Variants in CAMK1 observed in about 807,000 individuals in gnomAD.
CAMK1 encodes calcium/calmodulin-dependent protein kinase type 1.
A neutral mutation model predicts 49.1 loss-of-function variants in CAMK1; 39 were observed. The ratio of observed to expected loss-of-function variants is 0.79; its 90% confidence interval spans 0.62 to 1.04. CAMK1 has a LOEUF of 1.04. Ranked by LOEUF, CAMK1 falls within the 50% of genes least tolerant of loss-of-function variation. The pLI, the probability that CAMK1 is intolerant of heterozygous loss-of-function variation, is 0.00. For synonymous variants in CAMK1, 192 were observed against 185.2 expected, an observed-to-expected ratio of 1.04 and a Z score of -0.30; for missense variants, 457 against 472.2, an observed-to-expected ratio of 0.97 and a Z score of 0.30.
At chr3:9,767,824 CT>C in intron 1 of CAMK1, 43 bp from the exon 2 acceptor site, 2 of 1,587,406 alleles carry the variant, frequency 1.3e-6, no homozygotes, top group South Asian at 1.1e-5. Context: ...GAGCCCAGCC[CT>C]CTGTCTGGGA....
At position 9,759,732 on chromosome 3, in the gene CAMK1, T is replaced by A; in HGVS notation, c.764A>T (p.His255Leu). The change falls in exon 9 of 12, where the codon CAC becomes CTC. Residue 255 changes from histidine (H) to leucine (L), a missense_variant. Coordinates refer to ENST00000256460, the MANE Select transcript of CAMK1 (RefSeq NM_003656.5). Reference sequence around the variant, plus strand: ...TTTCTCTGGGTCCTTCTCCATCAAGTGCCGGATGAAATCTTTGGCTAAACC... The same window carrying A: ...TTTCTCTGGGTCCTTCTCCATCAAGAGCCGGATGAAATCTTTGGCTAAACC... ...ISDSAKDFIR[H>L]LMEKDPEKRF... 6.2e-7 allele frequency: 1 copy of A among 1,614,138 alleles called. No individual in the cohort carries two copies.
chr3:9,765,119 A>G (rs906265325), intron 3 of CAMK1, among the ~76,000 whole-genome samples: 1 of 151,420 alleles, frequency 6.6e-6, no homozygotes, highest in African/African-American at 2.4e-5. Context: ...CCCAGCTACT[A>G]GGGAGGCTGA....
Position 9,765,813 on chromosome 3 carries a change from T to A in CAMK1, c.161A>T (p.Glu54Val), listed in dbSNP as rs2078126691. Reference protein sequence around the residue: ...KLVAIKCIAKEALEGKEGSME... With the variant: ...KLVAIKCIAKVALEGKEGSME... Reference sequence around the variant, plus strand: ...GCTGCCTTCCTTGCCCTCCAGGGCCTCCTTGGCAATGCATTTGATGGCCAC... The same window carrying A: ...GCTGCCTTCCTTGCCCTCCAGGGCCACCTTGGCAATGCATTTGATGGCCAC... The change falls in exon 3 of 12, where the codon GAG (glutamate) becomes GTG (valine). Residue 54 changes from glutamate (E) to valine (V), a missense_variant. By Grantham distance (121) the Glu-to-Val change is moderately radical. Transcript: ENST00000256460. 2 of 1,614,056 alleles carry A rather than the reference T, an allele frequency of 1.2e-6. No individual in the cohort carries two copies. The highest frequency in any genetic ancestry group is 1.7e-6 in the Non-Finnish European group (2 of 1,179,982).
rs368338181 is a variant in CAMK1 at position 9,762,902 on chromosome 3, C to T, written c.429+12G>A. On this transcript the variant is annotated intron_variant, in intron 5 of 11. Transcript: ENST00000256460. ...TGGGTACCCTAGCTCACCACACCCC[C>T]TTGAGCCCCACCTTGAGATCCCGGT... The T allele has an allele frequency of 1.9e-6, 3 of 1,613,892 alleles. No individual in the cohort carries two copies. The highest frequency in any genetic ancestry group is 1.7e-6 in the Non-Finnish European group (2 of 1,179,978).
At position 9,763,530 on chromosome 3, in the gene CAMK1, T is replaced by C. The variant is rs373747625; in HGVS notation, c.216-317A>G. On this transcript the variant is annotated intron_variant, in intron 3 of 11. Coordinates refer to ENST00000256460, the MANE Select transcript of CAMK1 (RefSeq NM_003656.5). ...CTCGTCCCCAAAGGGAAAAGCTAGC[T>C]TACCATGGTTTATTACCATTTTTTG... Among the ~76,000 whole-genome samples, 63 of 152,144 alleles carry C rather than the reference T, an allele frequency of 4.1e-4. 2 individuals carry two copies. In the South Asian group the frequency reaches 0.012, roughly 29 times the overall value.
chr3:9,768,055 T>C (rs1268555784), intron 1 of CAMK1, among the ~76,000 whole-genome samples: 3 of 152,190 alleles, frequency 2.0e-5, no homozygotes, highest in Admixed American at 2.0e-4. Flanking sequence ...GTTTTCCCCC[T>C]ATCCAAATCC....
At chr3:9,758,624 C>G (rs2077699065) in intron 10 of CAMK1, 1 of 162,844 alleles carries the variant, frequency 6.1e-6, no homozygotes, top group Non-Finnish European at 1.3e-5. Flanking sequence ...TCTCTGCATC[C>G]TGAGAGCTCT....
rs995609046 is a variant in CAMK1, at chr3:9,763,230, G to A, written c.216-17C>T. ...TGCTTGATCCTGAAAGGAGAAATGA[G>A]GTGGTTTAGCCAGGCATGGCGGTGT... On this transcript the variant is annotated splice_polypyrimidine_tract_variant and intron_variant, in intron 3 of 11. Coordinates refer to ENST00000256460, the MANE Select transcript of CAMK1 (RefSeq NM_003656.5). 9 of 1,613,558 alleles carry A rather than the reference G, an allele frequency of 5.6e-6. No individual in the cohort carries two copies. The African/African-American group carries it at 8.0e-5, about 14-fold the overall frequency.
In CAMK1 at chr3:9,765,841, G is replaced by C. The variant is rs1442415037; in HGVS notation, c.133C>G (p.Leu45Val). The C allele has an allele frequency of 1.2e-6, 2 of 1,614,000 alleles. No homozygotes were observed. The highest frequency in any genetic ancestry group is 1.7e-6 in the Non-Finnish European group (2 of 1,179,980). ...TTGGCAATGCATTTGATGGCCACCA[G>C]CTTCTGCGTCCTCTTATCTTCTGCC... ...ILAEDKRTQK[L>V]VAIKCIAKEA... Residue 45 changes from leucine (L) to valine (V), a missense_variant, in exon 3 of 12, where the codon CTG becomes GTG. Physicochemically the swap from Leu to Val is conservative, Grantham distance 32 (BLOSUM62 1). Coordinates refer to ENST00000256460, the MANE Select transcript of CAMK1 (RefSeq NM_003656.5).
intron 10 of CAMK1, 101 bp downstream of exon 10, chr3:9,759,387 G>C: frequency 6.4e-7 from 1 of 1,565,530 alleles, no homozygotes. Context: ...AGCAGTTACT[G>C]TGTGCCCAGT....
chr3:9,765,946 C>G, intron 2 of CAMK1, 56 bp from the exon 3 acceptor site: 9 of 1,614,184 alleles, frequency 5.6e-6, no homozygotes, highest in Non-Finnish European at 7.6e-6. Context: ...TTCCCTCCAG[C>G]CTCTCCTCCA....
intron 10 of CAMK1, chr3:9,759,121 T>C: frequency 3.0e-6 from 4 of 1,329,084 alleles, no homozygotes; most frequent in Non-Finnish European, 4.3e-6. Flanking sequence ...GCTTAGCACT[T>C]GCACTTCCCG....
chr3:9,760,257 A>G lies in CAMK1; in HGVS notation c.745+399T>C, dbSNP rs76263766. On this transcript the variant is annotated intron_variant, in intron 8 of 11. Coordinates refer to ENST00000256460, the MANE Select transcript of CAMK1 (RefSeq NM_003656.5). ...GACTGCGTCTCAAAAAAGAAAGAAA[A>G]AAAAAAAAAAGTTGTTCTTGACTAA... 321 of 186,178 alleles carry G rather than the reference A, an allele frequency of 1.7e-3. 2 individuals carry two copies. Among genetic ancestry groups the G allele is most frequent in the Non-Finnish European group, 2.3e-3 (205 of 88,006 alleles). 11.5% of individuals were successfully genotyped at this position (186,178 alleles called of 1,614,324 possible). A position where few individuals can be genotyped will look rare whatever the true frequency, so the allele number is the denominator to read the frequency against.
chr3:9,762,986 G>A lies in CAMK1; in HGVS notation c.357C>T (p.Ser119=). 6.2e-7 allele frequency: 1 copy of A among 1,614,166 alleles called. No individual in the cohort carries two copies. The change falls in exon 5 of 12, where the codon AGC becomes AGT. Residue 119 remains serine, a synonymous_variant. Coordinates refer to ENST00000256460, the MANE Select transcript of CAMK1 (RefSeq NM_003656.5). ...EKGFYTERDA[S]RLIFQVLDAV... ...CATCCAGCACCTGGAAGATGAGGCG[G>A]CTGGCGTCCCGCTCCGTGTAGAAGC...
chr3:9,762,056 C>T, intron 5 of CAMK1: 2 of 279,592 alleles, frequency 7.2e-6, no homozygotes, highest in Non-Finnish European at 1.4e-5. Context: ...GATTTAATGC[C>T]ATCCTCACTG....
intron 5 of CAMK1, 135 bp downstream of exon 5, chr3:9,762,779 G>A: frequency 2.5e-6 from 2 of 811,850 alleles, no homozygotes; most frequent in South Asian, 1.7e-5. Context: ...CAGTTTAAAG[G>A]TTACAAGATC....
intron 7 of CAMK1, 121 bp downstream of exon 7, chr3:9,761,340 G>A: frequency 1.0e-6 from 1 of 981,230 alleles, no homozygotes; most frequent in African/African-American, 1.6e-5. Flanking sequence ...TAATTGATTG[G>A]TGGAAGGAAG....
In CAMK1 at chr3:9,761,495, C is replaced by T; in HGVS notation, c.598G>A (p.Asp200Asn). The T allele has an allele frequency of 6.2e-7, 1 of 1,613,434 alleles. No individual in the cohort carries two copies. The highest frequency in any genetic ancestry group is 8.5e-7 in the Non-Finnish European group (1 of 1,179,652). ...GCGATGACACCTATGGACCAGCAAT[C>T]CACAGCCTTGCTGTAGGGCTTCTGG... is the stretch of plus-strand genomic sequence containing the variant. The part of the protein sequence containing the change: ...LAQKPYSKAV[D>N]CWSIGVIAYI... The change falls in exon 7 of 12, where the codon GAT (aspartate) becomes AAT (asparagine). Residue 200 changes from aspartate to asparagine, a missense_variant. Transcript: ENST00000256460.
In CAMK1 at chr3:9,760,783, A is replaced by G; in HGVS notation, c.633-15T>C. ...AACCGCAGAGCCTGGGCAGGGAGAA[A>G]CTCATCCTCATTTCCACTTTCGGGT... On this transcript the variant is annotated splice_polypyrimidine_tract_variant and intron_variant, in intron 7 of 11. Coordinates refer to ENST00000256460, the MANE Select transcript of CAMK1 (RefSeq NM_003656.5). The G allele has an allele frequency of 6.2e-7, 1 of 1,613,612 alleles. No individual in the cohort carries two copies. The highest frequency in any genetic ancestry group is 1.1e-5 in the South Asian group (1 of 91,046).
Sources: allele counts gnomAD v4.1 joint callset (sites outside exome capture counted in the v4.1 genomes callset), GRCh38; gene constraint gnomAD v4.1.1; transcripts MANE v1.5; gene names NCBI Gene and HGNC (gene_info 2026-07-23, HGNC 2026-07-21).